NUP205: variants seen among roughly 807,000 people sequenced by gnomAD.
NUP205 encodes the protein nuclear pore complex protein Nup205.
In NUP205, 76 loss-of-function variants were observed where a neutral mutation model predicts 253.8. The observed-to-expected ratio is 0.30, with a 90% confidence interval of 0.25 to 0.36. The LOEUF (loss-of-function observed/expected upper bound fraction) is 0.36. Among genes scored for constraint, NUP205 ranks in the 10% least tolerant of loss-of-function variants. The probability of loss-of-function intolerance (pLI) is 1.00; values close to 1 mark genes in which losing one functional copy is unlikely to be tolerated. For synonymous variants in NUP205, 832 were observed against 850.1 expected (o/e 0.98, Z 0.37); for missense variants, 2,162 against 2,425.5 (o/e 0.89, Z 2.28).
At chr7:135,576,455 T>TA in intron 4 of NUP205, 41 bp downstream of exon 4, 1 of 1,559,802 alleles carries the variant, frequency 6.4e-7, no homozygotes, top group Non-Finnish European at 8.8e-7. Flanking sequence ...AATTTGAAAT[T>TA]ACTTGAAGTA....
chr7:135,614,145 C>T lies in NUP205; in HGVS notation c.3196-14C>T, dbSNP rs769600036. On this transcript the variant is annotated splice_polypyrimidine_tract_variant and intron_variant, in intron 22 of 42. Transcript: ENST00000285968. ...AAGACTGATTCAGGGATTTTTCTTACTTTAATGCTTTAGGTCATATATCAG... is the reference window on the plus strand; with the variant it reads ...AAGACTGATTCAGGGATTTTTCTTATTTTAATGCTTTAGGTCATATATCAG... 1 of 1,406,362 alleles carries T rather than the reference C, an allele frequency of 7.1e-7. No individual in the cohort carries two copies. Among genetic ancestry groups the T allele is most frequent in the African/African-American group, 1.4e-5 (1 of 70,606 alleles). 87.1% of individuals were successfully genotyped at this position (1,406,362 alleles called of 1,614,324 possible). A position where few individuals can be genotyped will look rare whatever the true frequency, so the allele number is the denominator to read the frequency against.
At chr7:135,634,843 T>C (rs1335700307) in intron 35 of NUP205, among the ~76,000 whole-genome samples, 1 of 152,126 alleles carries the variant, frequency 6.6e-6, no homozygotes, top group African/African-American at 2.4e-5. Context: ...GACTTGTCAT[T>C]ATGAGGAGAG....
At chr7:135,640,156 C>G (rs568297890) in intron 38 of NUP205, among the ~76,000 whole-genome samples, 182 of 152,288 alleles carry the variant, frequency 1.2e-3, no homozygotes, top group Non-Finnish European at 2.0e-3. Context: ...AGCAAACCAC[C>G]ATGGCACATG....
chr7:135,558,517 C>G (rs1805495977), intron 1 of NUP205, among the ~76,000 whole-genome samples: 2 of 152,050 alleles, frequency 1.3e-5, no homozygotes, highest in African/African-American at 4.8e-5. Flanking sequence ...GTGGTTAGGC[C>G]CTGGATGTTC....
At chr7:135,581,759 A>G (rs1017917042) in intron 7 of NUP205, among the ~76,000 whole-genome samples, 1 of 151,426 alleles carries the variant, frequency 6.6e-6, no homozygotes, top group African/African-American at 2.4e-5. Flanking sequence ...AGACTGAGGC[A>G]GGAGAATTGC....
At chr7:135,566,981 G>A (rs138102153) in intron 1 of NUP205, among the ~76,000 whole-genome samples, 3,809 of 150,768 alleles carry the variant, frequency 0.025, 80 homozygotes, top group South Asian at 0.078. Context: ...CCTCGTGATC[G>A]GCCCACCTCG....
chr7:135,636,803 T>G (rs904239173), intron 36 of NUP205, among the ~76,000 whole-genome samples: 14 of 152,100 alleles, frequency 9.2e-5, no homozygotes, highest in African/African-American at 2.7e-4. Flanking sequence ...GCCAGGAGTT[T>G]GAGACCAGCC....
intron 35 of NUP205, among the ~76,000 whole-genome samples, chr7:135,632,019 G>T (rs1391897704): frequency 6.6e-6 from 1 of 151,990 alleles, no homozygotes; most frequent in African/African-American, 2.4e-5. Context: ...TGCTGGGATT[G>T]CAGGCTTGAG....
At position 135,644,945 on chromosome 7, in the gene NUP205, G is replaced by T; in HGVS notation, c.5610G>T (p.Gln1870His). 1 of 1,614,102 alleles carries T rather than the reference G, an allele frequency of 6.2e-7. No individual in the cohort carries two copies. The highest frequency in any genetic ancestry group is 8.5e-7 in the Non-Finnish European group (1 of 1,179,958). Reference sequence around the variant, plus strand: ...GTGTTGATAAAATCTCCACTGCTCAGAAATATGTTCTAGCAAGACGGCGCT... The same window carrying T: ...GTGTTGATAAAATCTCCACTGCTCATAAATATGTTCTAGCAAGACGGCGCT... ...PAGVDKISTA[Q>H]KYVLARRRLV... The change falls in exon 40 of 43, where the codon CAG (glutamine) becomes CAT (histidine). Residue 1870 changes from glutamine to histidine, a missense_variant. This residue lies in a region of NUP205 where 1,144 missense variants were observed against 1,280.9 expected (regional missense o/e 0.89). Coordinates refer to ENST00000285968, the MANE Select transcript of NUP205 (RefSeq NM_015135.3).
intron 1 of NUP205, among the ~76,000 whole-genome samples, chr7:135,567,135 T>C (rs1805793509): frequency 3.2e-4 from 5 of 15,872 alleles, no homozygotes; most frequent in African/African-American, 7.1e-4. Flanking sequence ...TGTGTATATA[T>C]ATATATATAT....
intron 33 of NUP205, among the ~76,000 whole-genome samples, chr7:135,627,747 T>C (rs185725746): frequency 1.4e-4 from 21 of 152,204 alleles, no homozygotes; most frequent in Non-Finnish European, 2.6e-4. Context: ...TTTTCCTCGA[T>C]AAGATTTTTC....
At chr7:135,583,845 T>C (rs961645756) in intron 7 of NUP205, among the ~76,000 whole-genome samples, 9 of 124,112 alleles carry the variant, frequency 7.3e-5, no homozygotes, top group African/African-American at 2.5e-4. Context: ...TCTTTCTTTC[T>C]TTTTTTTTTT....
At chr7:135,639,487 C>T (rs999391473) in intron 38 of NUP205, among the ~76,000 whole-genome samples, 1 of 152,154 alleles carries the variant, frequency 6.6e-6, no homozygotes, top group East Asian at 1.9e-4. Flanking sequence ...GGCAGGAGTT[C>T]AAGACCAGCC....
intron 1 of NUP205, among the ~76,000 whole-genome samples, chr7:135,566,734 T>TTTTTG (rs1805770221): frequency 6.6e-6 from 1 of 152,016 alleles, no homozygotes; most frequent in African/African-American, 2.4e-5. Flanking sequence ...ATTATTTGTT[T>TTTTTG]TTTCGTTTTG....
intron 32 of NUP205, among the ~76,000 whole-genome samples, 179 bp downstream of exon 32, chr7:135,625,534 C>T (rs1349040968): frequency 1.3e-5 from 2 of 152,074 alleles, no homozygotes; most frequent in Non-Finnish European, 2.9e-5. Flanking sequence ...GTGAAATGAT[C>T]CTCAAAGGGA....
intron 31 of NUP205, among the ~76,000 whole-genome samples, chr7:135,623,943 T>C (rs746858337): frequency 6.6e-6 from 1 of 151,272 alleles, no homozygotes; most frequent in South Asian, 2.1e-4. Flanking sequence ...CCACTACGCC[T>C]GGCTAATTTT....
chr7:135,565,304 A>C (rs755502957), intron 1 of NUP205, among the ~76,000 whole-genome samples: 1 of 152,156 alleles, frequency 6.6e-6, no homozygotes, highest in Non-Finnish European at 1.5e-5. Context: ...TCAGATTTGC[A>C]TAGGAGTCAT....
intron 37 of NUP205, 62 bp downstream of exon 37, chr7:135,638,121 A>G: frequency 3.8e-6 from 6 of 1,559,964 alleles, no homozygotes; most frequent in South Asian, 3.5e-5. Flanking sequence ...TAAAAATAAC[A>G]GATGTGGACC....
In NUP205 at chr7:135,600,590, A is replaced by T. The variant is rs186848467; in HGVS notation, c.2275-280A>T. 3.4e-3 allele frequency among the ~76,000 whole-genome samples: 514 copies of T among 152,356 alleles called. 5 individuals are homozygous for T. Among genetic ancestry groups the T allele is most frequent in the Non-Finnish European group, 5.8e-3 (396 of 68,036 alleles). On this transcript the variant is annotated intron_variant, in intron 15 of 42. Coordinates refer to ENST00000285968, the MANE Select transcript of NUP205 (RefSeq NM_015135.3). ...ATAAATTGAATATGACTAGATACTAAATGTTTTCAATGTATTAATGAATTC... is the reference window on the plus strand; with the variant it reads ...ATAAATTGAATATGACTAGATACTATATGTTTTCAATGTATTAATGAATTC...
Sources: gnomAD v4.1 joint callset for allele counts (sites outside exome capture counted in the v4.1 genomes callset) on GRCh38, gnomAD v4.1.1 for gene constraint, gnomAD v4.1.1 regional missense constraint, MANE v1.5 for transcripts, NCBI Gene and HGNC (gene_info 2026-07-23, HGNC 2026-07-21) for gene names.